LTA4H: variants seen among roughly 807,000 people sequenced by gnomAD.
LTA4H encodes leukotriene A-4 hydrolase.
In LTA4H, 59 loss-of-function variants were observed where a neutral mutation model predicts 89.8. That is an observed-to-expected ratio of 0.66 (90% CI 0.53 to 0.82). LTA4H has a LOEUF of 0.82. LTA4H is among the 40% of genes least tolerant of loss of function. The pLI, the probability that LTA4H is intolerant of heterozygous loss-of-function variation, is 0.00. For synonymous variants in LTA4H, 227 were observed against 253.1 expected, an observed-to-expected ratio of 0.90 and a Z score of 0.98; for missense variants, 617 against 727.0, an observed-to-expected ratio of 0.85 and a Z score of 1.74.
At chr12:96,036,818 G>A (rs996235373), upstream of LTA4H, among the ~76,000 whole-genome samples, 2 of 152,206 alleles carry the variant, frequency 1.3e-5, no homozygotes, top group Non-Finnish European at 2.9e-5. Context: ...TTGGTTTACA[G>A]TTACGCAGGC....
At chr12:96,010,262 T>C (rs980706470) in intron 14 of LTA4H, 13 of 152,256 alleles carry the variant, frequency 8.5e-5, no homozygotes, top group Admixed American at 3.9e-4. Flanking sequence ...ACCCTACTTA[T>C]GGCAAAGTCT....
chr12:96,024,179 A>T (rs1234164354), intron 4 of LTA4H, among the ~76,000 whole-genome samples: 1 of 152,044 alleles, frequency 6.6e-6, no homozygotes, highest in Non-Finnish European at 1.5e-5. Flanking sequence ...TGATCCACCC[A>T]TCTCGGCCTC....
At chr12:96,034,801 G>A (rs1434219168) in intron 1 of LTA4H, among the ~76,000 whole-genome samples, 3 of 152,214 alleles carry the variant, frequency 2.0e-5, no homozygotes. Context: ...CCTGTGGATT[G>A]AAATAAGTGT....
upstream of LTA4H, among the ~76,000 whole-genome samples, chr12:96,036,005 C>T (rs2540487): frequency 0.24 from 35,780 of 152,092 alleles, 4,620 homozygotes; most frequent in Non-Finnish European, 0.31. Flanking sequence ...TATCAGAAGG[C>T]TTTCTTTCGT....
chr12:96,042,549 C>T (rs1004663981), intron 1 of LTA4H, among the ~76,000 whole-genome samples: 3 of 152,180 alleles, frequency 2.0e-5, no homozygotes, highest in African/African-American at 7.2e-5. Context: ...GATTAATTTA[C>T]TGACGCTCCA....
intron 6 of LTA4H, 131 bp downstream of exon 6, chr12:96,020,954 G>T: frequency 1.4e-6 from 1 of 694,440 alleles, no homozygotes; most frequent in East Asian, 3.0e-5. Flanking sequence ...TTTTAGATTT[G>T]AATTTTTCTA....
At chr12:96,033,568 T>C (rs1421022231) in intron 1 of LTA4H, among the ~76,000 whole-genome samples, 1 of 152,224 alleles carries the variant, frequency 6.6e-6, no homozygotes, top group African/African-American at 2.4e-5. Flanking sequence ...TTTCTTTTTT[T>C]ATTATTATAC....
intron 18 of LTA4H, 103 bp downstream of exon 18, chr12:96,002,857 T>C (rs1164924217): frequency 2.6e-6 from 2 of 757,046 alleles, no homozygotes; most frequent in Non-Finnish European, 4.3e-6. Context: ...TGATAAACTT[T>C]AACAAATTAA....
chr12:96,023,380 ATTAT>A lies in LTA4H; in HGVS notation c.480+1095_480+1098del, dbSNP rs372831379. On this transcript the variant is annotated intron_variant, in intron 4 of 18. Transcript: ENST00000228740. ...ATAAAACTTGTTCAAGTGTCACATC[ATTAT>A]TTATTTATTTTTTTAGAAATGGGGT... Among the ~76,000 whole-genome samples, 83 of 152,240 alleles carry A rather than the reference ATTAT, an allele frequency of 5.5e-4. 1 individual carries two copies. In the South Asian group the frequency reaches 0.016, roughly 29 times the overall value.
Position 96,027,488 on chromosome 12 carries a change from GT to G in LTA4H, c.366del (p.Glu122AspfsTer32). 1 of 1,612,406 alleles carries G rather than the reference GT, an allele frequency of 6.2e-7. No homozygotes were observed. Among genetic ancestry groups the G allele is most frequent in the African/African-American group, 1.3e-5 (1 of 74,964 alleles). On this transcript the variant is annotated frameshift_variant, in exon 3 of 19. Coordinates refer to ENST00000228740, the MANE Select transcript of LTA4H (RefSeq NM_000895.3). LOFTEE classifies it high-confidence loss of function. ...TATGGGTGTTCCTTCCCAGAAGTCT[GT>G]TCAGGAGTGAGCCACTGGAGAGCAG... is the stretch of plus-strand genomic sequence containing the variant. Reference protein sequence around the residue: ...KSSALQWLTPEQTSGKEHPYL... With the variant: ...KSSALQWLTPXQTSGKEHPYL...
intron 16 of LTA4H, 66 bp from the exon 17 acceptor site, chr12:96,003,986 A>G: frequency 1.2e-6 from 1 of 854,204 alleles, no homozygotes; most frequent in Non-Finnish European, 1.9e-6. Context: ...AAGGAGCTGG[A>G]GAGAAATGCA....
In LTA4H at chr12:96,018,834, C is replaced by A. The variant is rs1353300091; in HGVS notation, c.781G>T (p.Val261Phe). 1.2e-6 allele frequency: 2 copies of A among 1,604,572 alleles called. No individual in the cohort carries two copies. The highest frequency in any genetic ancestry group is 3.5e-5 in the Admixed American group (2 of 57,168). The stretch of plus-strand genomic sequence containing the variant: ...CCATAAGGGAAGGATGGTGGCAGGA[C>A]CAATAGGTCATACTGTCCCCATACA... ...PYVWGQYDLL[V>F]LPPSFPYGGM... Residue 261 changes from valine (V) to phenylalanine (F), a missense_variant, in exon 8 of 19, where the codon GTC becomes TTC. By Grantham distance (50) the Val-to-Phe change is conservative. Transcript: ENST00000228740.
At chr12:96,032,470 C>G (rs931086308) in intron 1 of LTA4H, among the ~76,000 whole-genome samples, 3 of 152,108 alleles carry the variant, frequency 2.0e-5, no homozygotes, top group Non-Finnish European at 2.9e-5. Flanking sequence ...CCTCTACATG[C>G]CAGACATAGA....
intron 3 of LTA4H, among the ~76,000 whole-genome samples, chr12:96,025,827 C>CAAA (rs63528861): frequency 6.0e-5 from 7 of 116,104 alleles, no homozygotes; most frequent in African/African-American, 2.3e-4. Flanking sequence ...ACCCTGTCTC[C>CAAA]AAAAAAAAAA....
intron 8 of LTA4H, among the ~76,000 whole-genome samples, chr12:96,017,891 C>T (rs1197052322): frequency 6.6e-6 from 1 of 152,182 alleles, no homozygotes; most frequent in Non-Finnish European, 1.5e-5. Context: ...TTACCCATCA[C>T]TTTCTTTCTC....
intron 14 of LTA4H, chr12:96,012,975 A>G: frequency 2.1e-6 from 1 of 485,904 alleles, no homozygotes; most frequent in East Asian, 3.0e-5. Context: ...TTGTGCAGAA[A>G]GGAGGCACTC....
intron 1 of LTA4H, 24 bp downstream of exon 1, chr12:96,035,337 C>A (rs1358801731): frequency 6.3e-7 from 1 of 1,577,288 alleles, no homozygotes; most frequent in Non-Finnish European, 8.6e-7. Context: ...GAGAGGCGGG[C>A]ACTGGGCAGG....
intron 3 of LTA4H, among the ~76,000 whole-genome samples, chr12:96,024,765 T>C (rs916634615): frequency 1.3e-5 from 2 of 150,476 alleles, no homozygotes; most frequent in African/African-American, 4.9e-5. Flanking sequence ...ACCTCCCGGG[T>C]TCAAGCAATT....
intron 1 of LTA4H, 29 bp downstream of exon 1, chr12:96,035,332 G>A: frequency 1.3e-6 from 2 of 1,577,772 alleles, no homozygotes; most frequent in Non-Finnish European, 1.7e-6. Context: ...CCCGGGAGAG[G>A]CGGGCACTGG....
Sources: allele counts gnomAD v4.1 joint callset (sites outside exome capture counted in the v4.1 genomes callset), GRCh38; gene constraint gnomAD v4.1.1; transcripts MANE v1.5; gene names NCBI Gene and HGNC (gene_info 2026-07-23, HGNC 2026-07-21).